GAS7: variants seen among roughly 807,000 people sequenced by gnomAD.
GAS7 encodes the protein growth arrest-specific protein 7.
A neutral mutation model predicts 71.1 loss-of-function variants in GAS7; 28 were observed. The ratio of observed to expected loss-of-function variants is 0.39; its 90% CI spans 0.29 to 0.54. The LOEUF is 0.54. GAS7 is among the 20% of genes least tolerant of loss of function. GAS7 has a pLI of 0.62. For synonymous variants in GAS7, 258 were observed against 245.8 expected (o/e 1.05, Z -0.46); for missense variants, 436 against 627.8 (o/e 0.69, Z 3.27).
At chr17:10,184,172 G>C (rs901409796) in intron 1 of GAS7, among the ~76,000 whole-genome samples, 6 of 152,106 alleles carry the variant, frequency 3.9e-5, no homozygotes, top group African/African-American at 9.7e-5. Context: ...ACCATCCCTG[G>C]CTGCCTCTCC....
chr17:10,162,516 A>C (rs560454319), intron 1 of GAS7, among the ~76,000 whole-genome samples: 13 of 152,330 alleles, frequency 8.5e-5, no homozygotes, highest in African/African-American at 2.9e-4. Flanking sequence ...AAAAATACCA[A>C]GGGATTGCCG....
In GAS7 at chr17:9,914,078, T is replaced by G. The variant is rs1408422091; in HGVS notation, c.*3150A>C. ...AAGTGCAGTCTTTTATTTTCTCAGT[T>G]GCATCCTAACCTTGATTTCAACCAG... is the stretch of plus-strand genomic sequence containing the variant. On this transcript the variant is annotated 3_prime_UTR_variant, in exon 14 of 14. Transcript: ENST00000432992. 3 of 228,674 alleles carry G rather than the reference T, an allele frequency of 1.3e-5. No individual in the cohort carries two copies. Among genetic ancestry groups the G allele is most frequent in the African/African-American group, 4.4e-5 (2 of 45,000 alleles). The allele number at this position is 228,674 out of a possible 1,614,324, so 14.2% of individuals were successfully genotyped here.
intron 8 of GAS7, among the ~76,000 whole-genome samples, chr17:9,938,245 G>A (rs759072014): frequency 9.2e-5 from 14 of 151,962 alleles, no homozygotes; most frequent in Non-Finnish European, 1.8e-4. Context: ...GATGGATCAC[G>A]CCTACAATTC....
chr17:9,920,314 T>C (rs16959001), intron 11 of GAS7, among the ~76,000 whole-genome samples: 22,200 of 152,008 alleles, frequency 0.15, 1,814 homozygotes, highest in African/African-American at 0.22. Flanking sequence ...GTGGCTACCT[T>C]GGGAAACAGA....
At chr17:10,066,997 C>T (rs2073288282) in intron 1 of GAS7, among the ~76,000 whole-genome samples, 1 of 152,080 alleles carries the variant, frequency 6.6e-6, no homozygotes, top group Admixed American at 6.5e-5. Context: ...ATAATAATAC[C>T]TGTTACAAGG....
chr17:10,184,419 C>G (rs932909995), intron 1 of GAS7, among the ~76,000 whole-genome samples: 1 of 152,206 alleles, frequency 6.6e-6, no homozygotes, highest in Non-Finnish European at 1.5e-5. Context: ...TGTGTTCTTT[C>G]CATGACCCTG....
At chr17:9,957,071 C>T (rs1271396329) in intron 5 of GAS7, among the ~76,000 whole-genome samples, 1 of 152,182 alleles carries the variant, frequency 6.6e-6, no homozygotes, top group Non-Finnish European at 1.5e-5. Context: ...GGGCTCTGCT[C>T]CTCACTTGTT....
intron 2 of GAS7, among the ~76,000 whole-genome samples, chr17:9,998,212 G>A (rs2152156878): frequency 6.6e-6 from 1 of 152,320 alleles, no homozygotes; most frequent in Non-Finnish European, 1.5e-5. Context: ...TAACATTCTG[G>A]AGATTCCAAG....
chr17:10,075,994 T>C (rs1034503404), intron 1 of GAS7, among the ~76,000 whole-genome samples: 7 of 150,504 alleles, frequency 4.7e-5, no homozygotes, highest in Non-Finnish European at 8.9e-5. Context: ...CCCAGCTACT[T>C]GGGAGGTTAA....
rs1231388593 is a variant in GAS7, at chr17:9,954,146, T to C, written c.525+5056A>G. Among the ~76,000 whole-genome samples, 3 of 152,238 alleles carry C rather than the reference T, an allele frequency of 2.0e-5. No individual in the cohort carries two copies. In the East Asian group the frequency reaches 5.8e-4, roughly 29 times the overall value. On this transcript the variant is annotated intron_variant, in intron 5 of 13. Coordinates refer to ENST00000432992, the MANE Select transcript of GAS7 (RefSeq NM_201433.2). ...GGAAAGGACTCAGGATGAGAGGATATGCCCTACAGGTGGGGACCGCGTTGC... is the reference window on the plus strand; with the variant it reads ...GGAAAGGACTCAGGATGAGAGGATACGCCCTACAGGTGGGGACCGCGTTGC...
chr17:10,010,699 C>T (rs151141970), intron 2 of GAS7, among the ~76,000 whole-genome samples: 5 of 152,290 alleles, frequency 3.3e-5, no homozygotes, highest in South Asian at 2.1e-4. Context: ...AGAACACTTC[C>T]GTTAGCCTAC....
At chr17:10,187,830 A>C (rs1464989611) in intron 1 of GAS7, among the ~76,000 whole-genome samples, 1 of 152,364 alleles carries the variant, frequency 6.6e-6, no homozygotes, top group East Asian at 1.9e-4. Context: ...GGATACTTAC[A>C]GAATGTTTGG....
chr17:10,093,520 G>C (rs1217310620), intron 1 of GAS7, among the ~76,000 whole-genome samples: 1 of 122,580 alleles, frequency 8.2e-6, no homozygotes, highest in Non-Finnish European at 1.6e-5. Context: ...AGTGAGCCAA[G>C]ATCAGCCTGG....
intron 1 of GAS7, among the ~76,000 whole-genome samples, chr17:10,125,401 C>T (rs1304934012): frequency 1.3e-5 from 2 of 151,850 alleles, no homozygotes; most frequent in Non-Finnish European, 2.9e-5. Context: ...CCTGTAATCC[C>T]AGCTACTCGG....
At chr17:10,108,974 C>G (rs1326044618) in intron 1 of GAS7, among the ~76,000 whole-genome samples, 2 of 151,922 alleles carry the variant, frequency 1.3e-5, no homozygotes, top group South Asian at 4.1e-4. Context: ...ACAAATGGGC[C>G]CATATTAAAC....
At position 9,926,712 on chromosome 17, in the gene GAS7, T is replaced by A; in HGVS notation, c.943A>T (p.Met315Leu). The A allele has an allele frequency of 6.2e-7, 1 of 1,613,838 alleles. No homozygotes were observed. Among genetic ancestry groups the A allele is most frequent in the Non-Finnish European group, 8.5e-7 (1 of 1,179,848 alleles). ...MNFRENFKKD[M>L]KKCDHHIADL... ...GCAATGTGGTGGTCGCACTTCTTCATGTCTTTCTTGAAGTTCTCACGGAAG... is the reference window on the plus strand; with the variant it reads ...GCAATGTGGTGGTCGCACTTCTTCAAGTCTTTCTTGAAGTTCTCACGGAAG... The change falls in exon 10 of 14, where the codon ATG (methionine) becomes TTG (leucine). Residue 315 changes from methionine to leucine, a missense_variant. Met to Leu is a conservative substitution (Grantham distance 15). Coordinates refer to ENST00000432992, the MANE Select transcript of GAS7 (RefSeq NM_201433.2). The surrounding 1 kb of genome is among the most constrained non-coding windows in gnomAD (Gnocchi z 5.0).
chr17:10,049,765 T>C (rs554926389), intron 1 of GAS7, among the ~76,000 whole-genome samples: 11,471 of 151,508 alleles, frequency 0.076, 1,034 homozygotes, highest in African/African-American at 0.22. Flanking sequence ...GGACTACAGG[T>C]GCCTGCCACC....
At chr17:9,940,965 C>T (rs1313464249) in intron 7 of GAS7, among the ~76,000 whole-genome samples, 1 of 152,200 alleles carries the variant, frequency 6.6e-6, no homozygotes, top group Non-Finnish European at 1.5e-5. Flanking sequence ...CAGAGCTGGC[C>T]AGAGCCCAGG....
At chr17:10,090,428 A>T (rs940479274) in intron 1 of GAS7, among the ~76,000 whole-genome samples, 1 of 152,148 alleles carries the variant, frequency 6.6e-6, no homozygotes, top group Non-Finnish European at 1.5e-5. Flanking sequence ...ACAAAAGGAG[A>T]TCTCTCACAA....
Sources: allele counts gnomAD v4.1 joint callset (sites outside exome capture counted in the v4.1 genomes callset), GRCh38; gene constraint gnomAD v4.1.1; non-coding constraint Gnocchi (gnomAD v3.1); transcripts MANE v1.5; gene names NCBI Gene and HGNC (gene_info 2026-07-23, HGNC 2026-07-21).